The following IDO2 variants were observed in gnomAD, a reference collection of about 807,000 sequenced individuals.
IDO2 encodes indoleamine 2,3-dioxygenase-like 1 protein.
A neutral mutation model predicts 45.1 loss-of-function variants in IDO2; 46 were observed. The ratio of observed to expected loss-of-function variants is 1.02; its 90% CI spans 0.80 to 1.30. IDO2 has a LOEUF of 1.30. IDO2 is among the 50% of genes most tolerant of loss of function. IDO2 has a pLI of 0.00. For missense variants in IDO2, 544 were observed against 491.8 expected, an observed-to-expected ratio of 1.11 and a Z score of -1.00; for synonymous variants, 218 against 184.9, an observed-to-expected ratio of 1.18 and a Z score of -1.45.
intron 4 of IDO2, among the ~76,000 whole-genome samples, chr8:39,981,282 G>A (rs1004669213): frequency 6.6e-6 from 1 of 151,866 alleles, no homozygotes; most frequent in Non-Finnish European, 1.5e-5. Context: ...GGATGGTCTC[G>A]ATCTCTTGAC....
At chr8:39,994,722 A>G (rs1442856197) in intron 8 of IDO2, among the ~76,000 whole-genome samples, 1 of 151,880 alleles carries the variant, frequency 6.6e-6, no homozygotes, top group Non-Finnish European at 1.5e-5. Flanking sequence ...TTCCTACCTT[A>G]TAAACTGGAG....
intron 1 of IDO2, among the ~76,000 whole-genome samples, chr8:39,941,419 G>T (rs1166281876): frequency 6.6e-6 from 1 of 152,142 alleles, no homozygotes; most frequent in East Asian, 1.9e-4. Context: ...TTGAGGGCTT[G>T]AGCAAAGGTC....
intron 3 of IDO2, 134 bp from the exon 4 acceptor site, chr8:39,978,931 CTT>C: frequency 1.3e-6 from 1 of 791,754 alleles, no homozygotes; most frequent in African/African-American, 1.7e-5. Flanking sequence ...TGTGCGGGCT[CTT>C]TGTACCTTCA....
chr8:39,973,519 A>G (rs1326396492), intron 3 of IDO2, among the ~76,000 whole-genome samples: 4 of 152,048 alleles, frequency 2.6e-5, no homozygotes, highest in Admixed American at 6.6e-5. Context: ...AGTAAATTTT[A>G]TGGTCATTAT....
intron 1 of IDO2, among the ~76,000 whole-genome samples, chr8:39,944,719 T>G (rs555973361): frequency 6.6e-6 from 1 of 152,332 alleles, no homozygotes; most frequent in Non-Finnish European, 1.5e-5. Context: ...CTTTTAACTT[T>G]TTGCCTAATT....
intron 9 of IDO2, among the ~76,000 whole-genome samples, chr8:40,009,592 G>GAGAATGC (rs1802280908): frequency 6.6e-6 from 1 of 151,964 alleles, no homozygotes; most frequent in African/African-American, 2.4e-5. Context: ...TAGCAGCTTG[G>GAGAATGC]ACCTGAGAAT....
At chr8:39,937,482 G>A (rs759589448) in intron 1 of IDO2, among the ~76,000 whole-genome samples, 29 of 151,800 alleles carry the variant, frequency 1.9e-4, no homozygotes, top group Admixed American at 4.6e-4. Flanking sequence ...TCTATTTCAG[G>A]AAGCTTTTCT....
In IDO2 at chr8:39,953,512, A is replaced by C. The variant is rs112613601; in HGVS notation, c.99+4248A>C. Among the ~76,000 whole-genome samples, 137 of 152,274 alleles carry C rather than the reference A, an allele frequency of 9.0e-4. 3 individuals are homozygous for C. The highest frequency in any genetic ancestry group is 3.4e-3 in the Middle Eastern group (1 of 294). ...TCATCTCCAGTTAATGAGTCCCATA[A>C]ATTGAAATCTAGTGTTTAAATTTTT... On this transcript the variant is annotated intron_variant, in intron 2 of 10. Transcript: ENST00000502986.
chr8:40,013,759 G>A, intron 10 of IDO2, 46 bp downstream of exon 10: 6 of 1,308,190 alleles, frequency 4.6e-6, no homozygotes, highest in South Asian at 3.2e-5. Flanking sequence ...GGGAGGAAGA[G>A]GAGAGGTGTT....
intron 9 of IDO2, among the ~76,000 whole-genome samples, chr8:40,010,137 T>C (rs1048251071): frequency 2.6e-5 from 4 of 152,108 alleles, no homozygotes; most frequent in African/African-American, 9.7e-5. Flanking sequence ...GAAAGCTGGA[T>C]AGAGAGTATT....
chr8:39,978,244 C>T (rs1000755335), intron 3 of IDO2, among the ~76,000 whole-genome samples: 2 of 152,170 alleles, frequency 1.3e-5, no homozygotes, highest in Non-Finnish European at 2.9e-5. Context: ...AACAAAAACA[C>T]CCCCTGCCGC....
chr8:39,935,185 G>T (rs576262203), exon 1 of IDO2: 1 of 1,613,462 alleles, frequency 6.2e-7, no homozygotes, highest in East Asian at 2.2e-5. Context: ...CACCCACCAG[G>T]CCACCACAAG....
chr8:39,982,660 A>T, exon 5 of IDO2: 2 of 1,605,766 alleles, frequency 1.2e-6, no homozygotes, highest in Middle Eastern at 3.3e-4. Flanking sequence ...AGGTCCTGCC[A>T]AGGAATCTTG....
intron 2 of IDO2, among the ~76,000 whole-genome samples, chr8:39,951,026 T>TCAAAACAAAACAAAACAAAACAAAA (rs71237202): frequency 5.3e-4 from 78 of 147,596 alleles, no homozygotes; most frequent in Non-Finnish European, 7.1e-4. Flanking sequence ...GAAACTCGTC[T>TCAAAACAAAACAAAACAAAACAAAA]CAAAACAAAA....
At chr8:40,012,315 G>A (rs1802321119) in intron 9 of IDO2, among the ~76,000 whole-genome samples, 1 of 152,164 alleles carries the variant, frequency 6.6e-6, no homozygotes, top group Non-Finnish European at 1.5e-5. Flanking sequence ...AGTAAAAATG[G>A]AAATCCACAT....
chr8:39,949,675 T>C (rs925968115), intron 2 of IDO2, among the ~76,000 whole-genome samples: 2 of 152,236 alleles, frequency 1.3e-5, no homozygotes, highest in East Asian at 3.8e-4. Flanking sequence ...AATTTCTCTG[T>C]TAAAGATTTT....
chr8:40,001,084 C>G (rs988994268), intron 8 of IDO2, among the ~76,000 whole-genome samples: 2 of 152,042 alleles, frequency 1.3e-5, no homozygotes, highest in African/African-American at 4.8e-5. Flanking sequence ...CCACATTGGC[C>G]TTTCAAAGTA....
chr8:39,998,605 C>T (rs967268022), intron 8 of IDO2: 2 of 150,576 alleles, frequency 1.3e-5, no homozygotes, highest in African/African-American at 4.9e-5. Context: ...CTCAGACTCC[C>T]CTCCCTCCCA....
At chr8:40,008,658 A>G (rs975102336) in intron 9 of IDO2, among the ~76,000 whole-genome samples, 1 of 152,246 alleles carries the variant, frequency 6.6e-6, no homozygotes, top group African/African-American at 2.4e-5. Flanking sequence ...TTCAAGGGAT[A>G]AATTGATTCT....
Sources: allele counts gnomAD v4.1 joint callset (sites outside exome capture counted in the v4.1 genomes callset), GRCh38; gene constraint gnomAD v4.1.1; transcripts MANE v1.5; gene names NCBI Gene and HGNC (gene_info 2026-07-23, HGNC 2026-07-21).